Variants in TYW3 observed in about 807,000 individuals in gnomAD.
The protein encoded by TYW3 is tRNA-yW synthesizing protein 3 homolog, also known as tRNA wybutosine-synthesizing protein 3 homolog.
A neutral mutation model predicts 23.1 loss-of-function variants in TYW3; 26 were observed. That is an observed-to-expected ratio of 1.13 (90% CI 0.83 to 1.56). TYW3 has a LOEUF of 1.56. Ranked by LOEUF, TYW3 falls within the 40% of genes most tolerant of loss-of-function variation. The pLI is 0.00. For synonymous variants in TYW3, 102 were observed against 105.7 expected (o/e 0.97, Z 0.21); for missense variants, 316 against 311.9 (o/e 1.01, Z -0.10).
In TYW3 at chr1:74,736,524, T is replaced by C; in HGVS notation, c.175-18T>C. On this transcript the variant is annotated intron_variant, in intron 1 of 5. Coordinates refer to ENST00000370867, the MANE Select transcript of TYW3 (RefSeq NM_138467.3). ...AAAATATTATATGAAACTTAAATTA[T>C]GTTATTTTTTATTTTAGGGTATAAA... 6.4e-7 allele frequency: 1 copy of C among 1,558,000 alleles called. No homozygotes were observed. Among genetic ancestry groups the C allele is most frequent in the South Asian group, 1.2e-5 (1 of 80,840 alleles).
chr1:74,756,060 C>T (rs2100773903), intron 5 of TYW3, among the ~76,000 whole-genome samples: 1 of 152,342 alleles, frequency 6.6e-6, no homozygotes, highest in South Asian at 2.1e-4. Flanking sequence ...ATGCCTTTCA[C>T]CTTCCACCAT....
rs541308910 is a variant in TYW3, at chr1:74,752,653, A to C, written c.560+228A>C. Among the ~76,000 whole-genome samples the C allele has an allele frequency of 3.3e-5, 5 of 152,190 alleles. No homozygotes were observed. In the East Asian group the frequency reaches 7.7e-4, roughly 23 times the overall value. On this transcript the variant is annotated intron_variant, in intron 5 of 5. Transcript: ENST00000370867. ...GCATACGGGAGAGGCTCTCTGGGGG[A>C]TGGTAGGCACGTGACCACCAGAAGC...
At chr1:74,755,916 G>A (rs1030439292) in intron 5 of TYW3, among the ~76,000 whole-genome samples, 1 of 152,184 alleles carries the variant, frequency 6.6e-6, no homozygotes, top group Non-Finnish European at 1.5e-5. Context: ...CTGGAGGGAG[G>A]TAATTGAATT....
In TYW3 at chr1:74,763,972, C is replaced by CTCA; in HGVS notation, c.644_646dup (p.Ser215dup). 6.2e-7 allele frequency: 1 copy of CTCA among 1,610,126 alleles called. No homozygotes were observed. Among genetic ancestry groups the CTCA allele is most frequent in the Non-Finnish European group, 8.5e-7 (1 of 1,178,906 alleles). On this transcript the variant is annotated inframe_insertion, in exon 6 of 6. Coordinates refer to ENST00000370867, the MANE Select transcript of TYW3 (RefSeq NM_138467.3). ...ATCCCAAGATCAAAGAGAAAAATAA[C>CTCA]TCATCATATATTCATAAGAAAAAAA...
Position 74,747,244 on chromosome 1 carries a change from A to G in TYW3, c.355-1507A>G, listed in dbSNP as rs1469732723. On this transcript the variant is annotated intron_variant, in intron 3 of 5. Transcript: ENST00000370867. Reference sequence around the variant, plus strand: ...TGAGGTAATCGTAGAGGTAGAATCAATGGGAATTGGGTATAGGGGATGAAG... The same window carrying G: ...TGAGGTAATCGTAGAGGTAGAATCAGTGGGAATTGGGTATAGGGGATGAAG... Among the ~76,000 whole-genome samples the G allele has an allele frequency of 2.0e-5, 3 of 152,216 alleles. No homozygotes were observed. In the East Asian group the frequency reaches 5.8e-4, roughly 29 times the overall value.
Position 74,752,438 on chromosome 1 carries a change from G to A in TYW3, c.560+13G>A, listed in dbSNP as rs768680130. ...AAAGAATTGAGAGGTATATTAATTG[G>A]GTATTTCCATGTTATTCTTATATGC... is the stretch of plus-strand genomic sequence containing the variant. On this transcript the variant is annotated intron_variant, in intron 5 of 5. Coordinates refer to ENST00000370867, the MANE Select transcript of TYW3 (RefSeq NM_138467.3). 2.5e-6 allele frequency: 4 copies of A among 1,607,558 alleles called. No homozygotes were observed. The highest frequency in any genetic ancestry group is 3.4e-6 in the Non-Finnish European group (4 of 1,176,542).
chr1:74,756,337 C>T (rs1278796090), intron 5 of TYW3, among the ~76,000 whole-genome samples: 1 of 152,178 alleles, frequency 6.6e-6, no homozygotes, highest in African/African-American at 2.4e-5. Context: ...TTCCTAGAGA[C>T]TTGTCTAATG....
Position 74,738,719 on chromosome 1 carries a change from T to A in TYW3, c.285T>A (p.Asp95Glu), listed in dbSNP as rs145813190. ...TAGCTCTGAAGAAAGCAAATGGTGATGCCACTTTGAAATTTGAACCATTTG... is the reference window on the plus strand; with the variant it reads ...TAGCTCTGAAGAAAGCAAATGGTGAAGCCACTTTGAAATTTGAACCATTTG... ...VIVALKKANG[D>E]ATLKFEPFVL... is the part of the protein sequence containing the mutation. The change falls in exon 3 of 6, where the codon GAT becomes GAA. Residue 95 changes from aspartate (D) to glutamate (E), a missense_variant. Coordinates refer to ENST00000370867, the MANE Select transcript of TYW3 (RefSeq NM_138467.3). 16 of 1,609,534 alleles carry A rather than the reference T, an allele frequency of 9.9e-6. No individual in the cohort carries two copies. Among genetic ancestry groups the A allele is most frequent in the Non-Finnish European group, 1.4e-5 (16 of 1,176,628 alleles).
intron 5 of TYW3, among the ~76,000 whole-genome samples, chr1:74,759,832 A>G (rs1299963649): frequency 1.3e-5 from 2 of 151,946 alleles, no homozygotes; most frequent in African/African-American, 2.4e-5. Context: ...TTTTGTAGAG[A>G]TGGGGTTTTG....
intron 1 of TYW3, among the ~76,000 whole-genome samples, chr1:74,735,451 G>C (rs1222623692): frequency 6.6e-6 from 1 of 152,016 alleles, no homozygotes; most frequent in Non-Finnish European, 1.5e-5. Context: ...GACTGCTTCT[G>C]TACTGGTTAG....
At position 74,764,081 on chromosome 1, in the gene TYW3, A is replaced by C. The variant is rs759936279; in HGVS notation, c.748A>C (p.Ile250Leu). The change falls in exon 6 of 6, where the codon ATC becomes CTC. Residue 250 changes from isoleucine (I) to leucine (L), a missense_variant. Coordinates refer to ENST00000370867, the MANE Select transcript of TYW3 (RefSeq NM_138467.3). ...LENDDDDDLG[I>L]NVTIFPEDY ...AAATGATGATGATGATGATCTAGGA[A>C]TCAATGTTACCATCTTCCCTGAAGA... The C allele has an allele frequency of 6.2e-7, 1 of 1,612,988 alleles. No homozygotes were observed. The highest frequency in any genetic ancestry group is 8.5e-7 in the Non-Finnish European group (1 of 1,179,504).
intron 1 of TYW3, among the ~76,000 whole-genome samples, chr1:74,735,422 C>A (rs542958547): frequency 6.6e-6 from 1 of 152,298 alleles, no homozygotes; most frequent in East Asian, 1.9e-4. Flanking sequence ...CAAACACATA[C>A]TACCTACTTG....
intron 2 of TYW3, among the ~76,000 whole-genome samples, chr1:74,737,492 TA>T (rs1648190718): frequency 6.6e-6 from 1 of 152,166 alleles, no homozygotes; most frequent in Admixed American, 6.5e-5. Context: ...TGATCAGACA[TA>T]AGCAAGCACT....
At chr1:74,745,212 A>T (rs1056147715) in intron 3 of TYW3, among the ~76,000 whole-genome samples, 1 of 152,210 alleles carries the variant, frequency 6.6e-6, no homozygotes, top group Admixed American at 6.5e-5. Context: ...TGTGGGCCCA[A>T]AGAGTGAGCA....
At position 74,733,365 on chromosome 1, in the gene TYW3, G is replaced by C; in HGVS notation, c.121G>C (p.Asp41His). The change falls in exon 1 of 6, where the codon GAT (aspartate) becomes CAT (histidine). Residue 41 changes from aspartate to histidine, a missense_variant. Asp to His is a moderately conservative substitution (Grantham distance 81). Transcript: ENST00000370867. ...GCTTGTGCAGTTTCTGAACATGCGA[G>C]ATCAGTTTTTCACCACCAGCTCCTG... ...VELVQFLNMR[D>H]QFFTTSSCAG... The C allele has an allele frequency of 6.2e-7, 1 of 1,614,228 alleles. No homozygotes were observed. Among genetic ancestry groups the C allele is most frequent in the Non-Finnish European group, 8.5e-7 (1 of 1,180,044 alleles).
intron 5 of TYW3, among the ~76,000 whole-genome samples, chr1:74,763,446 T>C (rs1029884680): frequency 6.6e-6 from 1 of 152,094 alleles, no homozygotes; most frequent in East Asian, 1.9e-4. Flanking sequence ...TTGTGACAAA[T>C]AGGTATATGG....
At chr1:74,742,721 C>A (rs774069660) in intron 3 of TYW3, among the ~76,000 whole-genome samples, 1 of 152,176 alleles carries the variant, frequency 6.6e-6, no homozygotes, top group Non-Finnish European at 1.5e-5. Flanking sequence ...GGGAGTTCCC[C>A]CAGAGGTTAG....
intron 4 of TYW3, among the ~76,000 whole-genome samples, chr1:74,749,920 C>T (rs946497231): frequency 1.3e-5 from 2 of 152,112 alleles, no homozygotes; most frequent in Non-Finnish European, 2.9e-5. Context: ...CACGCCACTG[C>T]GCTCTGGCTG....
chr1:74,742,195 C>G (rs1169591068), intron 3 of TYW3, among the ~76,000 whole-genome samples: 2 of 152,164 alleles, frequency 1.3e-5, no homozygotes, highest in African/African-American at 4.8e-5. Context: ...ACTCTTTGTT[C>G]CCCAAAAGAG....
Sources: gnomAD v4.1 joint callset for allele counts (sites outside exome capture counted in the v4.1 genomes callset) on GRCh38, gnomAD v4.1.1 for gene constraint, MANE v1.5 for transcripts, NCBI Gene and HGNC (gene_info 2026-07-23, HGNC 2026-07-21) for gene names.